Variants in OR10G4 observed in about 807,000 individuals in gnomAD.
OR10G4 encodes olfactory receptor 10G4.
For missense variants in OR10G4, 318 were observed against 388.8 expected (o/e 0.82, Z 1.53); for synonymous variants, 130 against 159.3 (o/e 0.82, Z 1.39).
Position 124,015,590 on chromosome 11 carries a change from C to A in OR10G4, c.16C>A (p.Leu6Ile), listed in dbSNP as rs1191565639. 9 of 1,606,490 alleles carry A rather than the reference C, an allele frequency of 5.6e-6. No homozygotes were observed. The African/African-American group carries it at 1.2e-4, about 21-fold the overall frequency. ...GTGAGAAGAAATGTCCAACGCCAGC[C>A]TCGTGACAGCATTCATCCTCACAGG... MSNAS[L>I]VTAFILTGLP... Residue 6 changes from leucine to isoleucine, a missense_variant, in exon 2 of 2, where the codon CTC becomes ATC. Transcript: ENST00000641722.
chr11:124,014,010 C>T (rs1467083976), intron 1 of OR10G4, among the ~76,000 whole-genome samples: 1 of 152,018 alleles, frequency 6.6e-6, no homozygotes, highest in East Asian at 1.9e-4. Flanking sequence ...AGAAAGCTAG[C>T]CCCTATCTAG....
intron 1 of OR10G4, among the ~76,000 whole-genome samples, chr11:124,013,466 T>C (rs938450132): frequency 3.3e-5 from 5 of 152,214 alleles, no homozygotes; most frequent in African/African-American, 1.2e-4. Flanking sequence ...AGTTATAGGT[T>C]CTATTTTTAA....
chr11:124,014,461 C>T (rs1863997463), intron 1 of OR10G4, among the ~76,000 whole-genome samples: 1 of 152,120 alleles, frequency 6.6e-6, no homozygotes, highest in Non-Finnish European at 1.5e-5. Context: ...TTCCCTGATC[C>T]CTTGCGCTTC....
rs1275135014 is a variant in OR10G4, at chr11:124,016,813, A to C, written c.*303A>C. On this transcript the variant is annotated 3_prime_UTR_variant, in exon 2 of 2. Coordinates refer to ENST00000641722, the MANE Select transcript of OR10G4 (RefSeq NM_001004462.2). ...ATTAATTCATGTTTATAAATTGATA[A>C]ACGGTTTTTGTGTTTTGTTTGATTT... 2 of 200,222 alleles carry C rather than the reference A, an allele frequency of 1.0e-5. No homozygotes were observed. Among genetic ancestry groups the C allele is most frequent in the Non-Finnish European group, 1.0e-5 (1 of 99,644 alleles). 12.4% of individuals were successfully genotyped at this position (200,222 alleles called of 1,614,324 possible).
chr11:124,018,012 T>C lies in OR10G4; in HGVS notation c.*1502T>C, dbSNP rs1294085075. ...TGATTGCTTTCTTGAATAAATTATT[T>C]TGGGGTATCTGGGTATTCAGAATAA... On this transcript the variant is annotated 3_prime_UTR_variant, in exon 2 of 2. Coordinates refer to ENST00000641722, the MANE Select transcript of OR10G4 (RefSeq NM_001004462.2). The C allele has an allele frequency of 6.6e-6, 1 of 152,092 alleles. No individual in the cohort carries two copies. 9.4% of individuals were successfully genotyped at this position (152,092 alleles called of 1,614,324 possible).
chr11:124,013,016 C>T lies in OR10G4; in HGVS notation c.-124C>T, dbSNP rs867376238. 3 of 152,156 alleles carry T rather than the reference C, an allele frequency of 2.0e-5. No individual in the cohort carries two copies. The highest frequency in any genetic ancestry group is 1.3e-4 in the Admixed American group (2 of 15,266). 9.4% of individuals were successfully genotyped at this position (152,156 alleles called of 1,614,324 possible). A position where few individuals can be genotyped will look rare whatever the true frequency, so the allele number is the denominator to read the frequency against. ...TGTGCACCGGTTGTTTGAGTGATAT[C>T]TTGCAAACTAGTGCCTATACGTAGT... is the stretch of plus-strand genomic sequence containing the variant. On this transcript the variant is annotated 5_prime_UTR_variant, in exon 1 of 2. Transcript: ENST00000641722.
intron 1 of OR10G4, among the ~76,000 whole-genome samples, chr11:124,013,787 T>C (rs1319547622): frequency 6.6e-6 from 1 of 152,186 alleles, no homozygotes; most frequent in Non-Finnish European, 1.5e-5. Flanking sequence ...ATCACGCCAA[T>C]ATATATCCTT....
Position 124,016,342 on chromosome 11 carries a change from C to G in OR10G4, c.768C>G (p.Val256=). The G allele has an allele frequency of 6.2e-7, 1 of 1,614,160 alleles. No individual in the cohort carries two copies. The highest frequency in any genetic ancestry group is 8.5e-7 in the Non-Finnish European group (1 of 1,180,022). ...VVLCFFVPCV[V]IYLRPGSMDA... ...TTTGCTTCTTTGTTCCCTGTGTTGTCATTTATCTGAGGCCAGGCTCCATGG... is the reference window on the plus strand; with the variant it reads ...TTTGCTTCTTTGTTCCCTGTGTTGTGATTTATCTGAGGCCAGGCTCCATGG... Residue 256 remains valine (V), a synonymous_variant, in exon 2 of 2, where the codon GTC becomes GTG. Coordinates refer to ENST00000641722, the MANE Select transcript of OR10G4 (RefSeq NM_001004462.2).
At chr11:124,013,939 TATCTC>T (rs1355769913) in intron 1 of OR10G4, among the ~76,000 whole-genome samples, 1 of 152,102 alleles carries the variant, frequency 6.6e-6, no homozygotes, top group Non-Finnish European at 1.5e-5. Flanking sequence ...GGCAAAATGT[TATCTC>T]TAACGAAGCC....
At chr11:124,014,735 T>C (rs1035143412) in intron 1 of OR10G4, among the ~76,000 whole-genome samples, 2 of 152,172 alleles carry the variant, frequency 1.3e-5, no homozygotes, top group Non-Finnish European at 2.9e-5. Context: ...TAGTAACAAT[T>C]AAATTCTTGC....
In OR10G4 at chr11:124,016,712, A is replaced by C; in HGVS notation, c.*202A>C. On this transcript the variant is annotated 3_prime_UTR_variant, in exon 2 of 2. Coordinates refer to ENST00000641722, the MANE Select transcript of OR10G4 (RefSeq NM_001004462.2). ...TTATGATGAACATGATTATATTCTG[A>C]ATTATTGACTCATTTCTCATCAATA... 1 of 431,984 alleles carries C rather than the reference A, an allele frequency of 2.3e-6. No individual in the cohort carries two copies. The highest frequency in any genetic ancestry group is 4.0e-6 in the Non-Finnish European group (1 of 247,420). 26.8% of individuals were successfully genotyped at this position (431,984 alleles called of 1,614,324 possible).
At position 124,016,815 on chromosome 11, in the gene OR10G4, C is replaced by T. The variant is rs141008075; in HGVS notation, c.*305C>T. On this transcript the variant is annotated 3_prime_UTR_variant, in exon 2 of 2. Transcript: ENST00000641722. The stretch of plus-strand genomic sequence containing the variant: ...TAATTCATGTTTATAAATTGATAAA[C>T]GGTTTTTGTGTTTTGTTTGATTTCA... 26 of 195,478 alleles carry T rather than the reference C, an allele frequency of 1.3e-4. 1 individual carries two copies. The South Asian group carries it at 2.1e-3, about 16-fold the overall frequency. 12.1% of individuals were successfully genotyped at this position (195,478 alleles called of 1,614,324 possible). A position where few individuals can be genotyped will look rare whatever the true frequency, so the allele number is the denominator to read the frequency against.
At position 124,017,951 on chromosome 11, in the gene OR10G4, C is replaced by T. The variant is rs1022776627; in HGVS notation, c.*1441C>T. 1.3e-5 allele frequency: 2 copies of T among 152,096 alleles called. No homozygotes were observed. Among genetic ancestry groups the T allele is most frequent in the Non-Finnish European group, 2.9e-5 (2 of 68,020 alleles). 9.4% of individuals were successfully genotyped at this position (152,096 alleles called of 1,614,324 possible). A position where few individuals can be genotyped will look rare whatever the true frequency, so the allele number is the denominator to read the frequency against. On this transcript the variant is annotated 3_prime_UTR_variant, in exon 2 of 2. Coordinates refer to ENST00000641722, the MANE Select transcript of OR10G4 (RefSeq NM_001004462.2). ...GTAAAGAAATAGACTGATACATATT[C>T]GTATGACAAAGATGACACTGCAAAG...
rs150347384 is a variant in OR10G4 at position 124,016,112 on chromosome 11, G to T, written c.538G>T (p.Ala180Ser). 1 of 1,613,808 alleles carries T rather than the reference G, an allele frequency of 6.2e-7. No individual in the cohort carries two copies. Among genetic ancestry groups the T allele is most frequent in the Non-Finnish European group, 8.5e-7 (1 of 1,179,876 alleles). The part of the protein sequence containing the change: ...PNQIQHYFCD[A>S]PPILKLACAD... ...CCAGATCCAGCACTACTTCTGTGAC[G>T]CACCGCCCATCCTGAAACTGGCCTG... Residue 180 changes from alanine to serine, a missense_variant, in exon 2 of 2, where the codon GCA (alanine) becomes TCA (serine). Physicochemically the swap from Ala to Ser is moderately conservative, Grantham distance 99 (BLOSUM62 1). Transcript: ENST00000641722.
rs1446718479 is a variant in OR10G4 at position 124,016,238 on chromosome 11, T to C, written c.664T>C (p.Cys222Arg). ...AGTGCTGTCCTATGTGTCCATCGTC[T>C]GTTCCATCCTGCGGATCCGCACCTC... The part of the protein sequence containing the change: ...LIVLSYVSIV[C>R]SILRIRTSDG... Residue 222 changes from cysteine (C) to arginine (R), a missense_variant, in exon 2 of 2, where the codon TGT becomes CGT. Transcript: ENST00000641722. 1 of 1,614,236 alleles carries C rather than the reference T, an allele frequency of 6.2e-7. No homozygotes were observed. The highest frequency in any genetic ancestry group is 8.5e-7 in the Non-Finnish European group (1 of 1,180,040).
rs113791210 is a variant in OR10G4, at chr11:124,014,679, A to G, written c.-27-869A>G. On this transcript the variant is annotated intron_variant, in intron 1 of 1. Coordinates refer to ENST00000641722, the MANE Select transcript of OR10G4 (RefSeq NM_001004462.2). ...TGTTAGTGATGTCAAATATAATAAC[A>G]TATGAGGAAACTAGTGGATAATTTA... Among the ~76,000 whole-genome samples, 9 of 152,338 alleles carry G rather than the reference A, an allele frequency of 5.9e-5. No individual in the cohort carries two copies. The South Asian group carries it at 1.7e-3, about 28-fold the overall frequency.
chr11:124,014,017 C>G (rs1191134348), intron 1 of OR10G4, among the ~76,000 whole-genome samples: 1 of 152,060 alleles, frequency 6.6e-6, no homozygotes, highest in Admixed American at 6.6e-5. Flanking sequence ...TAGCCCCTAT[C>G]TAGTAGATTG....
Position 124,014,731 on chromosome 11 carries a change from CAATT to C in OR10G4, c.-27-814_-27-811del, listed in dbSNP as rs577148605. Among the ~76,000 whole-genome samples, 18 of 152,170 alleles carry C rather than the reference CAATT, an allele frequency of 1.2e-4. No individual in the cohort carries two copies. The South Asian group carries it at 1.9e-3, about 16-fold the overall frequency. ...GTGTATTGTGTTTCATTCCTAGTAA[CAATT>C]AAATTCTTGCTCTTTTAAGTTTTCC... On this transcript the variant is annotated intron_variant, in intron 1 of 1. Coordinates refer to ENST00000641722, the MANE Select transcript of OR10G4 (RefSeq NM_001004462.2).
intron 1 of OR10G4, 68 bp from the exon 2 acceptor site, chr11:124,015,480 T>C: frequency 7.0e-7 from 1 of 1,422,452 alleles, no homozygotes; most frequent in Non-Finnish European, 9.6e-7. Flanking sequence ...TGATGCAGTT[T>C]CCACATAGAG....
Sources: gnomAD v4.1 joint callset for allele counts (sites outside exome capture counted in the v4.1 genomes callset) on GRCh38, gnomAD v4.1.1 for gene constraint, MANE v1.5 for transcripts, NCBI Gene and HGNC (gene_info 2026-07-23, HGNC 2026-07-21) for gene names.